DNAH12: variants seen among roughly 807,000 people sequenced by gnomAD.
The protein encoded by DNAH12 is dynein axonemal heavy chain 12.
A neutral mutation model predicts 371.5 loss-of-function variants in DNAH12; 285 were observed. The observed-to-expected ratio is 0.77, with a 90% CI of 0.70 to 0.85. The LOEUF (loss-of-function observed/expected upper bound fraction) is 0.85, where lower values mean the gene tolerates loss of function less well. Among genes scored for constraint, DNAH12 ranks in the 40% least tolerant of loss-of-function variants. The pLI, the probability that DNAH12 is intolerant of heterozygous loss-of-function variation, is 0.00. For synonymous variants in DNAH12, 1,200 were observed against 1,213.0 expected (o/e 0.99, Z 0.22); for missense variants, 3,611 against 3,689.4 (o/e 0.98, Z 0.55).
chr3:57,405,922 G>A lies in DNAH12; in HGVS notation c.6307C>T (p.Pro2103Ser). Residue 2103 changes from proline to serine, a missense_variant, in exon 41 of 74, where the codon CCC becomes TCC. Pro to Ser is a moderately conservative substitution (Grantham distance 74, BLOSUM62 -1). Transcript: ENST00000495027. The part of the protein sequence containing the change: ...IYKQSVENLL[P>S]TPTKSHYTFN... ...GTATAATGGGATTTTGTGGGAGTGG[G>A]TAAAAGATTTTCCACAGATTGTTTA... 6.5e-7 allele frequency: 1 copy of A among 1,545,794 alleles called. No homozygotes were observed. Among genetic ancestry groups the A allele is most frequent in the Non-Finnish European group, 8.8e-7 (1 of 1,141,932 alleles).
intron 69 of DNAH12, among the ~76,000 whole-genome samples, chr3:57,305,669 A>C (rs910699762): frequency 6.6e-6 from 1 of 152,046 alleles, no homozygotes; most frequent in South Asian, 2.1e-4. Context: ...ACAGCCCTAG[A>C]CCCTAAAAGG....
chr3:57,490,962 G>T (rs2153385871), intron 11 of DNAH12, among the ~76,000 whole-genome samples: 1 of 151,540 alleles, frequency 6.6e-6, no homozygotes, highest in Middle Eastern at 3.4e-3. Context: ...GGTGGCACAT[G>T]CCTGTAATGC....
At chr3:57,481,765 C>T (rs1396029163) in intron 13 of DNAH12, among the ~76,000 whole-genome samples, 1 of 151,706 alleles carries the variant, frequency 6.6e-6, no homozygotes, top group Admixed American at 6.6e-5. Flanking sequence ...GAAATAATGC[C>T]GCATATCTAC....
chr3:57,385,458 G>C (rs1403001515), intron 47 of DNAH12, 29 bp from the exon 48 acceptor site: 1 of 152,166 alleles, frequency 6.6e-6, no homozygotes, highest in South Asian at 2.1e-4. Context: ...ATATGATTAA[G>C]TTTCCATTGC....
chr3:57,444,327 G>A (rs563843337), intron 29 of DNAH12, among the ~76,000 whole-genome samples: 2 of 151,974 alleles, frequency 1.3e-5, no homozygotes, highest in South Asian at 2.1e-4. Flanking sequence ...AGGCTGGAGT[G>A]CAGTGGTGGG....
intron 4 of DNAH12, among the ~76,000 whole-genome samples, chr3:57,523,229 T>A (rs1462637177): frequency 6.6e-6 from 1 of 151,796 alleles, no homozygotes; most frequent in African/African-American, 2.4e-5. Flanking sequence ...CAAATAATTT[T>A]AAAAATTATC....
intron 45 of DNAH12, among the ~76,000 whole-genome samples, chr3:57,389,798 A>ATG (rs1211815764): frequency 0.16 from 14,202 of 90,758 alleles, 1,988 homozygotes; most frequent in Non-Finnish European, 0.2. Flanking sequence ...ATATACACAT[A>ATG]TGTGTGTGTG....
At chr3:57,473,408 C>A (rs1044303159) in intron 13 of DNAH12, among the ~76,000 whole-genome samples, 1 of 151,980 alleles carries the variant, frequency 6.6e-6, no homozygotes, top group African/African-American at 2.4e-5. Context: ...ATTGCTTGAA[C>A]CCAGGAGGTG....
chr3:57,542,271 G>A (rs973108787), intron 2 of DNAH12, among the ~76,000 whole-genome samples: 1 of 151,962 alleles, frequency 6.6e-6, no homozygotes, highest in Non-Finnish European at 1.5e-5. Context: ...AATTGTAGGG[G>A]TTCAGTTATT....
chr3:57,420,928 A>G (rs1022629663), intron 36 of DNAH12, among the ~76,000 whole-genome samples: 1 of 151,270 alleles, frequency 6.6e-6, no homozygotes, highest in Non-Finnish European at 1.5e-5. Flanking sequence ...AAAAAAAAAA[A>G]AAGAAAGAAA....
At chr3:57,520,956 C>G (rs546905133) in intron 4 of DNAH12, among the ~76,000 whole-genome samples, 2 of 148,534 alleles carry the variant, frequency 1.3e-5, no homozygotes, top group Non-Finnish European at 3.0e-5. Context: ...AAATTTTCTG[C>G]AGGAGGCTGA....
At chr3:57,463,479 T>A (rs1335272048) in intron 17 of DNAH12, among the ~76,000 whole-genome samples, 1 of 152,052 alleles carries the variant, frequency 6.6e-6, no homozygotes, top group African/African-American at 2.4e-5. Context: ...ATTACAGGTA[T>A]AAGCCACCAT....
chr3:57,425,614 A>C (rs998944797), intron 34 of DNAH12, among the ~76,000 whole-genome samples: 1 of 152,186 alleles, frequency 6.6e-6, no homozygotes, highest in Non-Finnish European at 1.5e-5. Context: ...TTAAGTAGGC[A>C]TGATAAAACA....
At chr3:57,355,143 A>AG (rs1414955846) in intron 59 of DNAH12, among the ~76,000 whole-genome samples, 3 of 152,190 alleles carry the variant, frequency 2.0e-5, no homozygotes, top group Non-Finnish European at 4.4e-5. Flanking sequence ...AAGGTACATG[A>AG]GATCTTTATT....
chr3:57,509,861 T>TAAAAAAAAAAAAAAAAAAAAAAAAA (rs902155403), intron 5 of DNAH12, among the ~76,000 whole-genome samples: 2 of 46,554 alleles, frequency 4.3e-5, no homozygotes, highest in Non-Finnish European at 8.9e-5. Context: ...GACTCCATCA[T>TAAAAAAAAAAAAAAAAAAAAAAAAA]AAAAAAAAAA....
At chr3:57,480,719 C>G (rs1403298763) in intron 13 of DNAH12, among the ~76,000 whole-genome samples, 1 of 152,162 alleles carries the variant, frequency 6.6e-6, no homozygotes, top group Non-Finnish European at 1.5e-5. Flanking sequence ...AGCTTATCCA[C>G]CATGATCAAG....
chr3:57,351,341 G>A (rs2062670494), intron 60 of DNAH12, among the ~76,000 whole-genome samples: 2 of 152,132 alleles, frequency 1.3e-5, no homozygotes, highest in African/African-American at 4.8e-5. Context: ...GCAATGGAAT[G>A]CTCAAATTCT....
intron 29 of DNAH12, among the ~76,000 whole-genome samples, chr3:57,440,091 G>A (rs1391553219): frequency 6.6e-6 from 1 of 152,182 alleles, no homozygotes; most frequent in African/African-American, 2.4e-5. Context: ...ATGCAAATTA[G>A]TTCAGTCACC....
intron 55 of DNAH12, among the ~76,000 whole-genome samples, chr3:57,371,577 G>A (rs2063169814): frequency 6.6e-6 from 1 of 151,600 alleles, no homozygotes; most frequent in Non-Finnish European, 1.5e-5. Flanking sequence ...ACATCAGGAG[G>A]CTGAGCCCAG....
Sources: allele counts gnomAD v4.1 joint callset (sites outside exome capture counted in the v4.1 genomes callset), GRCh38; gene constraint gnomAD v4.1.1; transcripts MANE v1.5; gene names NCBI Gene and HGNC (gene_info 2026-07-23, HGNC 2026-07-21).